The following MAPK11 variants were observed in gnomAD, a reference collection of about 807,000 sequenced individuals.
MAPK11 encodes the protein mitogen-activated protein kinase 11, also known as MAP kinase 11.
A neutral mutation model predicts 52.2 loss-of-function variants in MAPK11; 44 were observed. The observed-to-expected ratio is 0.84, with a 90% CI of 0.66 to 1.08. MAPK11 has a LOEUF of 1.08. Among genes scored for constraint, MAPK11 ranks in the 50% least tolerant of loss-of-function variants. The pLI, the probability that MAPK11 is intolerant of heterozygous loss-of-function variation, is 0.00. For synonymous variants in MAPK11, 233 were observed against 206.3 expected (o/e 1.13, Z -1.11); for missense variants, 436 against 494.7 (o/e 0.88, Z 1.13).
chr22:50,267,904 C>A lies in MAPK11; in HGVS notation c.162G>T (p.Lys54Asn). The A allele has an allele frequency of 6.3e-7, 1 of 1,587,276 alleles. No homozygotes were observed. Among genetic ancestry groups the A allele is most frequent in the Non-Finnish European group, 8.6e-7 (1 of 1,169,400 alleles). The part of the protein sequence containing the change: ...ARLRQKVAVK[K>N]LSRPFQSLIH... ...TCAGCGACTGGAAGGGGCGCGACAG[C>A]TTCTTCACCGCCACCTTCTGGCGCA... Residue 54 changes from lysine to asparagine, a missense_variant, in exon 2 of 12, where the codon AAG becomes AAT. Transcript: ENST00000330651.
chr22:50,267,117 C>T lies in MAPK11; in HGVS notation c.495+10G>A, dbSNP rs201302472. On this transcript the variant is annotated intron_variant, in intron 6 of 11. Transcript: ENST00000330651. ...CCGCCGCCCTGCCCACCCCTGCCCA[C>T]GGGCCTCACCCTGAGCTCACAGTCC... 1.6e-3 allele frequency: 2,499 copies of T among 1,611,732 alleles called. 6 individuals carry two copies. Among genetic ancestry groups the T allele is most frequent in the Middle Eastern group, 3.6e-3 (22 of 6,060 alleles).
intron 1 of MAPK11, among the ~76,000 whole-genome samples, chr22:50,268,700 G>A (rs559970716): frequency 6.6e-6 from 1 of 152,176 alleles, no homozygotes; most frequent in African/African-American, 2.4e-5. Flanking sequence ...TGTTCCCTCT[G>A]GCTGATACTT....
chr22:50,264,832 C>CCGTATCATTAAAAA lies in MAPK11; in HGVS notation c.*115_*116insTTTTTAATGATACG. 1.4e-6 allele frequency: 1 copy of CCGTATCATTAAAAA among 729,584 alleles called. No homozygotes were observed. Among genetic ancestry groups the CCGTATCATTAAAAA allele is most frequent in the Non-Finnish European group, 2.2e-6 (1 of 445,836 alleles). The allele number at this position is 729,584 out of a possible 1,614,324, so 45.2% of individuals were successfully genotyped here. ...TCTCCTGAAGGCGAGGGGTCCTAGG[C>CCGTATCATTAAAAA]CAGAAGTCTGTGACCATAGGAGTGT... is the stretch of plus-strand genomic sequence containing the variant. On this transcript the variant is annotated 3_prime_UTR_variant, in exon 12 of 12. Transcript: ENST00000330651.
At position 50,266,494 on chromosome 22, in the gene MAPK11, G is replaced by T. The variant is rs1221958207; in HGVS notation, c.682+46C>A. Reference sequence around the variant, plus strand: ...GGCCAGCGCTGGTCCCTACCCTACAGGAGGGGCCCTGTTTGACCCTGCTCC... The same window carrying T: ...GGCCAGCGCTGGTCCCTACCCTACATGAGGGGCCCTGTTTGACCCTGCTCC... On this transcript the variant is annotated intron_variant, in intron 8 of 11. Transcript: ENST00000330651. 6.7e-7 allele frequency: 1 copy of T among 1,498,400 alleles called. No homozygotes were observed. Among genetic ancestry groups the T allele is most frequent in the Non-Finnish European group, 8.9e-7 (1 of 1,117,674 alleles). The allele number at this position is 1,498,400 out of a possible 1,614,324, so 92.8% of individuals were successfully genotyped here. A position where few individuals can be genotyped will look rare whatever the true frequency, so the allele number is the denominator to read the frequency against.
chr22:50,266,672 C>A (rs896298432), intron 7 of MAPK11, 61 bp from the exon 8 acceptor site: 9 of 1,495,014 alleles, frequency 6.0e-6, no homozygotes, highest in Non-Finnish European at 7.4e-6. Flanking sequence ...CTCCAGGAGA[C>A]CCACAGTCAC....
chr22:50,267,005 G>C lies in MAPK11; in HGVS notation c.539C>G (p.Thr180Ser). ...GLARQADEEMTGYVATRWYRA... is the reference protein window; with the variant it reads ...GLARQADEEMSGYVATRWYRA... ...GTACCAGCGCGTGGCCACATAGCCG[G>C]TCATCTCCTCGTCCGCCTGGCGCGC... Residue 180 changes from threonine (T) to serine (S), a missense_variant, in exon 7 of 12, where the codon ACC becomes AGC. Thr to Ser is a moderately conservative substitution (Grantham distance 58, BLOSUM62 1). Coordinates refer to ENST00000330651, the MANE Select transcript of MAPK11 (RefSeq NM_002751.7). 3 of 1,612,666 alleles carry C rather than the reference G, an allele frequency of 1.9e-6. 1 individual carries two copies. In the South Asian group the frequency reaches 3.3e-5, roughly 18 times the overall value.
At position 50,265,415 on chromosome 22, in the gene MAPK11, G is replaced by A. The variant is rs766519032; in HGVS notation, c.921C>T (p.Tyr307=). 2.5e-6 allele frequency: 4 copies of A among 1,613,170 alleles called. No individual in the cohort carries two copies. Among genetic ancestry groups the A allele is most frequent in the Non-Finnish European group, 3.4e-6 (4 of 1,180,010 alleles). The change falls in exon 11 of 12, where the codon TAC becomes TAT. Residue 307 remains tyrosine (Y), a synonymous_variant. Coordinates refer to ENST00000330651, the MANE Select transcript of MAPK11 (RefSeq NM_002751.7). The part of the protein sequence containing the change: ...VSAAEALAHA[Y]FSQYHDPEDE... Reference sequence around the variant, plus strand: ...CCTCGGGGTCGTGGTACTGGCTGAAGTAGGCGTGGGCCAGTGCCTCAGCTG... The same window carrying A: ...CCTCGGGGTCGTGGTACTGGCTGAAATAGGCGTGGGCCAGTGCCTCAGCTG...
At chr22:50,269,041 G>C (rs2147272527) in intron 1 of MAPK11, among the ~76,000 whole-genome samples, 1 of 152,260 alleles carries the variant, frequency 6.6e-6, no homozygotes, top group South Asian at 2.1e-4. Flanking sequence ...GGGTGCAAGG[G>C]GGGAGACCAG....
chr22:50,266,106 C>T, intron 9 of MAPK11, 120 bp downstream of exon 9: 1 of 817,418 alleles, frequency 1.2e-6, no homozygotes, highest in Non-Finnish European at 1.9e-6. Flanking sequence ...GCCCTAGGCT[C>T]TATCCCACCA....
intron 1 of MAPK11, 58 bp from the exon 2 acceptor site, chr22:50,268,007 G>A: frequency 6.9e-7 from 1 of 1,457,002 alleles, no homozygotes; most frequent in Non-Finnish European, 9.0e-7. Context: ...CCGCACGCGC[G>A]TGGACCCGGG....
At position 50,265,449 on chromosome 22, in the gene MAPK11, C is replaced by T; in HGVS notation, c.887G>A (p.Arg296Lys). 6.2e-7 allele frequency: 1 copy of T among 1,613,184 alleles called. No individual in the cohort carries two copies. Among genetic ancestry groups the T allele is most frequent in the Non-Finnish European group, 8.5e-7 (1 of 1,180,000 alleles). ...GGCCAGTGCCTCAGCTGCACTGACC[C>T]TCTGGTCACTGTCCAGCACCAGCAT... Reference protein sequence around the residue: ...GRMLVLDSDQRVSAAEALAHA... With the variant: ...GRMLVLDSDQKVSAAEALAHA... The change falls in exon 11 of 12, where the codon AGG becomes AAG. Residue 296 changes from arginine to lysine, a missense_variant. Transcript: ENST00000330651.
intron 1 of MAPK11, among the ~76,000 whole-genome samples, chr22:50,268,998 A>G (rs2065287508): frequency 6.6e-6 from 1 of 152,148 alleles, no homozygotes; most frequent in Admixed American, 6.5e-5. Flanking sequence ...CCTGGCCCGC[A>G]GCCTTGGCAG....
chr22:50,266,908 G>T (rs373237580), intron 7 of MAPK11, 26 bp downstream of exon 7: 1 of 1,594,308 alleles, frequency 6.3e-7, no homozygotes, highest in Non-Finnish European at 8.5e-7. Flanking sequence ...CTTGGCCTTC[G>T]TCCCCCCAAG....
chr22:50,269,795 G>T (rs1200153693), intron 1 of MAPK11, among the ~76,000 whole-genome samples: 2 of 152,184 alleles, frequency 1.3e-5, no homozygotes, highest in Admixed American at 6.5e-5. Context: ...AGACCCCGGG[G>T]GGCTGCCTGA....
At position 50,268,853 on chromosome 22, in the gene MAPK11, C is replaced by A. The variant is rs185106898; in HGVS notation, c.117-904G>T. Among the ~76,000 whole-genome samples, 253 of 152,286 alleles carry A rather than the reference C, an allele frequency of 1.7e-3. 2 individuals are homozygous for A. Among genetic ancestry groups the A allele is most frequent in the Middle Eastern group, 0.01 (3 of 294 alleles). On this transcript the variant is annotated intron_variant, in intron 1 of 11. Transcript: ENST00000330651. The stretch of plus-strand genomic sequence containing the variant: ...ATGCTCATGGGCGCAGGTCGAGGTG[C>A]CTGGGGCAGCCATGCTCCCAGCCTA...
At chr22:50,267,725 TCCCC>T in intron 2 of MAPK11, 91 bp downstream of exon 2, 1 of 1,420,932 alleles carries the variant, frequency 7.0e-7, no homozygotes, top group Non-Finnish European at 9.2e-7. Flanking sequence ...GCCCCCTGTG[TCCCC>T]GCCCCCATCG....
chr22:50,265,665 G>A lies in MAPK11; in HGVS notation c.763-5C>T, dbSNP rs779326529. 2.0e-6 allele frequency: 3 copies of A among 1,537,582 alleles called. No homozygotes were observed. The highest frequency in any genetic ancestry group is 4.5e-5 in the East Asian group (2 of 44,282). ...GGACTGGATATATGTCCGGGCCTGG[G>A]GGCACACAAGAACACCTGGGGAGGC... is the stretch of plus-strand genomic sequence containing the variant. On this transcript the variant is annotated splice_region_variant and splice_polypyrimidine_tract_variant and intron_variant, in intron 9 of 11. Transcript: ENST00000330651.
chr22:50,267,573 C>G lies in MAPK11; in HGVS notation c.301G>C (p.Glu101Gln). Residue 101 changes from glutamate (E) to glutamine (Q), a missense_variant, in exon 3 of 12, where the codon GAA (glutamate) becomes CAA (glutamine). Coordinates refer to ENST00000330651, the MANE Select transcript of MAPK11 (RefSeq NM_002751.7). The part of the protein sequence containing the change: ...TPATSIEDFS[E>Q]VYLVTTLMGA... ...CTCGCCCGCCCCGCCGCTCACACTTCGCTGAAGTCCTCGATGGACGTGGCC... is the reference window on the plus strand; with the variant it reads ...CTCGCCCGCCCCGCCGCTCACACTTGGCTGAAGTCCTCGATGGACGTGGCC... The G allele has an allele frequency of 1.9e-6, 3 of 1,548,090 alleles. No individual in the cohort carries two copies. The highest frequency in any genetic ancestry group is 2.6e-6 in the Non-Finnish European group (3 of 1,145,906).
Position 50,267,885 on chromosome 22 carries a change from A to C in MAPK11, c.181T>G (p.Ser61Ala). The C allele has an allele frequency of 6.3e-7, 1 of 1,589,760 alleles. No homozygotes were observed. The highest frequency in any genetic ancestry group is 1.1e-5 in the South Asian group (1 of 87,732). ...AVKKLSRPFQ[S>A]LIHARRTYRE... ...TACGTTCTGCGCGCGTGGATCAGCG[A>C]CTGGAAGGGGCGCGACAGCTTCTTC... The change falls in exon 2 of 12, where the codon TCG (serine) becomes GCG (alanine). Residue 61 changes from serine to alanine, a missense_variant. Coordinates refer to ENST00000330651, the MANE Select transcript of MAPK11 (RefSeq NM_002751.7).
Sources: allele counts gnomAD v4.1 joint callset (sites outside exome capture counted in the v4.1 genomes callset), GRCh38; gene constraint gnomAD v4.1.1; transcripts MANE v1.5; gene names NCBI Gene and HGNC (gene_info 2026-07-23, HGNC 2026-07-21).